Variants in CCDC102B observed in about 807,000 individuals in gnomAD.
CCDC102B encodes coiled-coil domain containing 102B.
CCDC102B carries 75 observed loss-of-function variants against 57.4 expected under a neutral mutation model. That is an observed-to-expected ratio of 1.31 (90% confidence interval 1.08 to 1.58). The LOEUF is 1.58. CCDC102B is among the 40% of genes most tolerant of loss of function. The pLI, the probability that CCDC102B is intolerant of heterozygous loss-of-function variation, is 0.00. For missense variants in CCDC102B, 636 were observed against 582.6 expected (o/e 1.09, Z -0.94); for synonymous variants, 206 against 201.9 (o/e 1.02, Z -0.17).
At chr18:68,844,208 T>C (rs2037757399) in intron 3 of CCDC102B, among the ~76,000 whole-genome samples, 1 of 151,930 alleles carries the variant, frequency 6.6e-6, no homozygotes, top group South Asian at 2.1e-4. Flanking sequence ...ATTTGATTCA[T>C]TAAAGTATAA....
chr18:68,994,648 T>C (rs3097686), intron 6 of CCDC102B, among the ~76,000 whole-genome samples: 152,280 of 152,328 alleles, frequency 1, 76,116 homozygotes, highest in Non-Finnish European at 1. Flanking sequence ...GTTCTTCCCC[T>C]TTCTTCCTTC....
At chr18:68,898,388 G>A (rs1017546349) in intron 6 of CCDC102B, among the ~76,000 whole-genome samples, 2 of 151,942 alleles carry the variant, frequency 1.3e-5, no homozygotes, top group Non-Finnish European at 2.9e-5. Context: ...AGATTAAATT[G>A]TATTAGTGTT....
At chr18:68,890,412 A>G (rs555604848) in intron 5 of CCDC102B, among the ~76,000 whole-genome samples, 1 of 152,074 alleles carries the variant, frequency 6.6e-6, no homozygotes, top group East Asian at 1.9e-4. Flanking sequence ...AATTTTGTAA[A>G]GTTGGAGTCT....
chr18:69,016,026 CT>C (rs68178005), intron 7 of CCDC102B, among the ~76,000 whole-genome samples: 110,162 of 128,864 alleles, frequency 0.85, 48,352 homozygotes, highest in Non-Finnish European at 0.96. Context: ...GGCTAATTTT[CT>C]TTTTTTTTTT....
intron 6 of CCDC102B, among the ~76,000 whole-genome samples, chr18:68,998,172 A>C (rs1333000442): frequency 6.6e-6 from 1 of 151,550 alleles, no homozygotes; most frequent in Non-Finnish European, 1.5e-5. Flanking sequence ...TTTTTAATTT[A>C]ATGAGGGTAT....
chr18:68,716,236 T>C (rs1364267952), intron 1 of CCDC102B, among the ~76,000 whole-genome samples: 1 of 152,190 alleles, frequency 6.6e-6, no homozygotes, highest in Non-Finnish European at 1.5e-5. Context: ...TCGATACTCT[T>C]ATACAGAAGC....
chr18:68,900,635 A>G (rs929422809), intron 6 of CCDC102B, among the ~76,000 whole-genome samples: 2 of 152,152 alleles, frequency 1.3e-5, no homozygotes, highest in African/African-American at 4.8e-5. Context: ...CTGTGTTCAA[A>G]AAGCTCTTGC....
chr18:68,802,396 G>T (rs192132995), intron 1 of CCDC102B, among the ~76,000 whole-genome samples: 2 of 152,118 alleles, frequency 1.3e-5, no homozygotes, highest in Non-Finnish European at 2.9e-5. Flanking sequence ...CAATTATGTC[G>T]TGCTACAAGT....
intron 6 of CCDC102B, among the ~76,000 whole-genome samples, chr18:68,945,836 T>C (rs1463862136): frequency 6.6e-6 from 1 of 152,112 alleles, no homozygotes; most frequent in Non-Finnish European, 1.5e-5. Context: ...CATTTTCTAA[T>C]CTAATTAATA....
At chr18:68,867,977 T>A (rs1401138211) in intron 4 of CCDC102B, among the ~76,000 whole-genome samples, 1 of 151,954 alleles carries the variant, frequency 6.6e-6, no homozygotes, top group Non-Finnish European at 1.5e-5. Context: ...GGAGCTGCTG[T>A]TTTGGGGAGA....
intron 2 of CCDC102B, among the ~76,000 whole-genome samples, chr18:68,759,472 C>G (rs1178101031): frequency 1.3e-5 from 2 of 151,516 alleles, no homozygotes; most frequent in African/African-American, 4.8e-5. Flanking sequence ...GTGAAGGGAA[C>G]AGGTGACAGT....
intron 5 of CCDC102B, among the ~76,000 whole-genome samples, chr18:68,892,627 C>T (rs2040118579): frequency 6.6e-6 from 1 of 152,054 alleles, no homozygotes; most frequent in African/African-American, 2.4e-5. Flanking sequence ...TCTGTGTTCA[C>T]GTTCTAAACT....
chr18:68,731,758 A>C (rs183794433), intron 2 of CCDC102B, among the ~76,000 whole-genome samples: 6 of 149,764 alleles, frequency 4.0e-5, no homozygotes, highest in Non-Finnish European at 7.4e-5. Flanking sequence ...ATTCAGTTAT[A>C]TATCAGTTGT....
chr18:68,847,267 G>A (rs28391183), intron 4 of CCDC102B, among the ~76,000 whole-genome samples: 50,582 of 151,166 alleles, frequency 0.33, 9,482 homozygotes, highest in East Asian at 0.65. Flanking sequence ...TCTGGGTATG[G>A]CGTTCACAAT....
intron 2 of CCDC102B, among the ~76,000 whole-genome samples, chr18:68,775,112 C>T (rs1158999916): frequency 6.6e-6 from 1 of 150,972 alleles, no homozygotes; most frequent in African/African-American, 2.4e-5. Context: ...TTCTTTTTTA[C>T]AACTGGAGAT....
At chr18:68,849,187 T>C (rs1434547422) in intron 4 of CCDC102B, among the ~76,000 whole-genome samples, 1 of 152,064 alleles carries the variant, frequency 6.6e-6, no homozygotes, top group Non-Finnish European at 1.5e-5. Context: ...GAATTACTAG[T>C]GGTATGTAGC....
intron 7 of CCDC102B, among the ~76,000 whole-genome samples, chr18:69,020,794 A>G (rs2051810994): frequency 6.6e-6 from 1 of 152,222 alleles, no homozygotes. Flanking sequence ...AAATATAAAG[A>G]AAATGACTTG....
At chr18:68,722,169 G>A (rs1355394355) in intron 2 of CCDC102B, among the ~76,000 whole-genome samples, 1 of 152,150 alleles carries the variant, frequency 6.6e-6, no homozygotes, top group Non-Finnish European at 1.5e-5. Context: ...GGAGGGGAAT[G>A]TTTGCACTCA....
intron 6 of CCDC102B, among the ~76,000 whole-genome samples, chr18:68,967,224 G>T (rs1397736326): frequency 6.6e-6 from 1 of 152,030 alleles, no homozygotes; most frequent in African/African-American, 2.4e-5. Context: ...AGCATATAGA[G>T]ACTCTCTACC....
Sources: gnomAD v4.1 joint callset for allele counts (sites outside exome capture counted in the v4.1 genomes callset) on GRCh38, gnomAD v4.1.1 for gene constraint, MANE v1.5 for transcripts, NCBI Gene and HGNC (gene_info 2026-07-23, HGNC 2026-07-21) for gene names.